Variants in CCAR1 observed in about 807,000 individuals in gnomAD.
CCAR1 encodes cell division cycle and apoptosis regulator protein 1.
CCAR1 carries 78 observed loss-of-function variants against 163.8 expected under a neutral mutation model. The ratio of observed to expected loss-of-function variants is 0.48; its 90% CI spans 0.40 to 0.57. The LOEUF (loss-of-function observed/expected upper bound fraction) is 0.57, where lower values mean the gene tolerates loss of function less well. Among genes scored for constraint, CCAR1 ranks in the 20% least tolerant of loss-of-function variants. The pLI is 0.00. For missense variants in CCAR1, 1,019 were observed against 1,365.2 expected, an observed-to-expected ratio of 0.75 and a Z score of 4.00; for synonymous variants, 443 against 460.7, an observed-to-expected ratio of 0.96 and a Z score of 0.49.
intron 6 of CCAR1, among the ~76,000 whole-genome samples, chr10:68,744,306 G>A: frequency 6.6e-6 from 1 of 152,192 alleles, no homozygotes; most frequent in Non-Finnish European, 1.5e-5. Context: ...TGTTTGACGT[G>A]TCTAATGACG....
chr10:68,758,615 G>GTA lies in CCAR1; in HGVS notation c.1920+1252_1920+1253dup, dbSNP rs150136958. 5.4e-4 allele frequency among the ~76,000 whole-genome samples: 57 copies of GTA among 105,514 alleles called. No individual in the cohort carries two copies. In the Middle Eastern group the frequency reaches 0.025, roughly 45 times the overall value. 69.2% of individuals were successfully genotyped at this position (105,514 alleles called of 152,430 possible). ...TACACACACATATATATACGTGTGT[G>GTA]TATATATATATATATGTATATATAC... On this transcript the variant is annotated intron_variant, in intron 15 of 24. Coordinates refer to ENST00000265872, the MANE Select transcript of CCAR1 (RefSeq NM_018237.4).
At chr10:68,722,606 TTGTTTGTGGGGGAC>T in intron 2 of CCAR1, 29 bp downstream of exon 2, 2 of 1,544,450 alleles carry the variant, frequency 1.3e-6, no homozygotes, top group East Asian at 4.5e-5. Flanking sequence ...TGTACTGTAA[TTGTTTGTGGGGGAC>T]TTGTTAAAAC....
In CCAR1 at chr10:68,755,402, T is replaced by C; in HGVS notation, c.1491T>C (p.Ala497=). The C allele has an allele frequency of 6.2e-7, 1 of 1,614,076 alleles. No individual in the cohort carries two copies. Among genetic ancestry groups the C allele is most frequent in the East Asian group, 2.2e-5 (1 of 44,888 alleles). The change falls in exon 13 of 25, where the codon GCT becomes GCC. Residue 497 remains alanine, a synonymous_variant. Transcript: ENST00000265872. ...TGGGCATGAAAGGCAAGGATGAAGC[T>C]ATGGCCATTGGAGGCCACTGGTCTC... ...FLVGMKGKDE[A]MAIGGHWSPS...
At chr10:68,773,547 C>T (rs1381547799) in intron 19 of CCAR1, among the ~76,000 whole-genome samples, 1 of 151,962 alleles carries the variant, frequency 6.6e-6, no homozygotes, top group Non-Finnish European at 1.5e-5. Context: ...GCCTATAATC[C>T]CAGGTATACT....
intron 11 of CCAR1, among the ~76,000 whole-genome samples, 193 bp downstream of exon 11, chr10:68,754,270 CTA>C (rs998115722): frequency 2.0e-5 from 3 of 152,140 alleles, no homozygotes; most frequent in African/African-American, 7.2e-5. Flanking sequence ...AGCTGTAAAA[CTA>C]GTTATTCTAA....
At position 68,787,985 on chromosome 10, in the gene CCAR1, C is replaced by G; in HGVS notation, c.2939C>G (p.Thr980Arg). Residue 980 changes from threonine (T) to arginine (R), a missense_variant, in exon 22 of 25, where the codon ACA becomes AGA. This residue lies in a region of CCAR1 where 358 missense variants were observed against 406.4 expected (regional missense o/e 0.88). Coordinates refer to ENST00000265872, the MANE Select transcript of CCAR1 (RefSeq NM_018237.4). Reference protein sequence around the residue: ...LRESCFYRKLTDTSKDEENHE... With the variant: ...LRESCFYRKLRDTSKDEENHE... ...GAATCTTGCTTTTACCGGAAATTAA[C>G]AGACACCTCAAAAGATGAAGAGAAC... 1 of 1,612,954 alleles carries G rather than the reference C, an allele frequency of 6.2e-7. No individual in the cohort carries two copies. Among genetic ancestry groups the G allele is most frequent in the Non-Finnish European group, 8.5e-7 (1 of 1,179,276 alleles).
chr10:68,744,608 C>T (rs557047038), intron 6 of CCAR1, among the ~76,000 whole-genome samples: 1 of 152,124 alleles, frequency 6.6e-6, no homozygotes, highest in Non-Finnish European at 1.5e-5. Context: ...AAATACTGTA[C>T]AACATTTTTC....
chr10:68,739,991 A>G (rs2056162641), intron 4 of CCAR1, among the ~76,000 whole-genome samples: 1 of 152,192 alleles, frequency 6.6e-6, no homozygotes, highest in African/African-American at 2.4e-5. Context: ...TTACAGAAAA[A>G]CCATACATCA....
chr10:68,745,532 C>T (rs1399058341), intron 6 of CCAR1, among the ~76,000 whole-genome samples: 7 of 150,970 alleles, frequency 4.6e-5, no homozygotes, highest in Non-Finnish European at 7.4e-5. Flanking sequence ...GGCATGATCT[C>T]GGCTCACTGC....
intron 19 of CCAR1, among the ~76,000 whole-genome samples, chr10:68,784,875 T>G (rs972037583): frequency 2.0e-5 from 3 of 151,798 alleles, no homozygotes; most frequent in Non-Finnish European, 4.4e-5. Context: ...TTTTAAGGCA[T>G]AATGCTATTA....
In CCAR1 at chr10:68,721,266, G is replaced by A. The variant is rs190904870; in HGVS notation, c.-67G>A. The A allele has an allele frequency of 5.6e-6, 1 of 178,788 alleles. No individual in the cohort carries two copies. Among genetic ancestry groups the A allele is most frequent in the Non-Finnish European group, 1.2e-5 (1 of 82,046 alleles). 11.1% of individuals were successfully genotyped at this position (178,788 alleles called of 1,614,324 possible). Reference sequence around the variant, plus strand: ...CGGGTTTGAAATGGCTTCGATGTTAGCCGGGACCCGACTCAGGTGAAGGTC... The same window carrying A: ...CGGGTTTGAAATGGCTTCGATGTTAACCGGGACCCGACTCAGGTGAAGGTC... On this transcript the variant is annotated 5_prime_UTR_variant, in exon 1 of 25. Transcript: ENST00000265872.
intron 19 of CCAR1, among the ~76,000 whole-genome samples, chr10:68,782,463 G>A (rs1430961126): frequency 6.6e-6 from 1 of 151,946 alleles, no homozygotes; most frequent in Non-Finnish European, 1.5e-5. Context: ...TGCTTATGTA[G>A]AAGCTAAGAT....
intron 6 of CCAR1, among the ~76,000 whole-genome samples, chr10:68,746,183 G>GACTGGTCTTGA (rs1470495428): frequency 6.6e-6 from 1 of 151,954 alleles, no homozygotes. Context: ...ATCTTGACCA[G>GACTGGTCTTGA]ACTGGTCTTG....
chr10:68,743,876 A>C (rs920175547), intron 6 of CCAR1, among the ~76,000 whole-genome samples: 1 of 152,026 alleles, frequency 6.6e-6, no homozygotes, highest in Non-Finnish European at 1.5e-5. Context: ...CAGGCTCCTA[A>C]GTAGCTAGGA....
rs772896062 is a variant in CCAR1 at position 68,737,829 on chromosome 10, T to G, written c.247-16T>G. On this transcript the variant is annotated splice_polypyrimidine_tract_variant and intron_variant, in intron 3 of 24. Coordinates refer to ENST00000265872, the MANE Select transcript of CCAR1 (RefSeq NM_018237.4). Reference sequence around the variant, plus strand: ...GTCTGTATTTTTCTTTGAAAAATTTTTTTTTAATCTTTCAGCAATATTCAC... The same window carrying G: ...GTCTGTATTTTTCTTTGAAAAATTTGTTTTTAATCTTTCAGCAATATTCAC... 5 of 1,555,984 alleles carry G rather than the reference T, an allele frequency of 3.2e-6. No homozygotes were observed. The African/African-American group carries it at 6.9e-5, about 21-fold the overall frequency.
At chr10:68,760,800 C>T in intron 15 of CCAR1, 1 of 314,258 alleles carries the variant, frequency 3.2e-6, no homozygotes, top group Non-Finnish European at 5.8e-6. Flanking sequence ...GGAGGCAGAG[C>T]TTGTGGTAAG....
At chr10:68,781,471 A>G (rs1455338169) in intron 19 of CCAR1, among the ~76,000 whole-genome samples, 3 of 152,100 alleles carry the variant, frequency 2.0e-5, no homozygotes, top group Non-Finnish European at 2.9e-5. Context: ...TGAACCCAGG[A>G]TGCAGGTTGC....
intron 10 of CCAR1, among the ~76,000 whole-genome samples, chr10:68,752,981 G>A (rs978074355): frequency 6.7e-6 from 1 of 149,174 alleles, no homozygotes; most frequent in Non-Finnish European, 1.5e-5. Flanking sequence ...TAGATGAATA[G>A]GTAGGCAGGT....
At chr10:68,736,730 A>C in intron 2 of CCAR1, 146 bp from the exon 3 acceptor site, 1 of 599,682 alleles carries the variant, frequency 1.7e-6, no homozygotes, top group Non-Finnish European at 2.9e-6. Context: ...ATTGATGGAC[A>C]CTTAGGTTGA....
Sources: gnomAD v4.1 joint callset for allele counts (sites outside exome capture counted in the v4.1 genomes callset) on GRCh38, gnomAD v4.1.1 for gene constraint, gnomAD v4.1.1 regional missense constraint, MANE v1.5 for transcripts, NCBI Gene and HGNC (gene_info 2026-07-23, HGNC 2026-07-21) for gene names.